WDR72: variants seen among roughly 807,000 people sequenced by gnomAD.
WDR72 encodes the protein WD repeat domain 72.
A neutral mutation model predicts 124.2 loss-of-function variants in WDR72; 120 were observed. That is an observed-to-expected ratio of 0.97 (90% CI 0.83 to 1.12). The LOEUF is 1.12. WDR72 is among the 50% of genes most tolerant of loss of function. The pLI is 0.00. For synonymous variants in WDR72, 452 were observed against 441.7 expected (o/e 1.02, Z -0.29); for missense variants, 1,387 against 1,278.8 (o/e 1.08, Z -1.29).
chr15:53,681,404 G>A (rs767904635), intron 13 of WDR72, among the ~76,000 whole-genome samples: 21 of 152,154 alleles, frequency 1.4e-4, no homozygotes, highest in Non-Finnish European at 2.6e-4. Context: ...AGGAGCCAAA[G>A]AGCAGCCATC....
At position 53,599,009 on chromosome 15, in the gene WDR72, G is replaced by A. The variant is rs186591792; in HGVS notation, c.2953-1735C>T. Among the ~76,000 whole-genome samples the A allele has an allele frequency of 7.2e-5, 11 of 151,896 alleles. No homozygotes were observed. In the East Asian group the frequency reaches 2.1e-3, roughly 30 times the overall value. On this transcript the variant is annotated intron_variant, in intron 17 of 19. Coordinates refer to ENST00000360509, the MANE Select transcript of WDR72 (RefSeq NM_182758.4). Reference sequence around the variant, plus strand: ...CTTGGTGGTGCGCACCTGTAGTCCTGGCTACTCAGGAGGCTGAGACAGGAT... The same window carrying A: ...CTTGGTGGTGCGCACCTGTAGTCCTAGCTACTCAGGAGGCTGAGACAGGAT...
At chr15:53,539,183 A>C (rs2140251314) in intron 18 of WDR72, among the ~76,000 whole-genome samples, 1 of 152,290 alleles carries the variant, frequency 6.6e-6, no homozygotes, top group East Asian at 1.9e-4. Flanking sequence ...AGTTAATATA[A>C]GCATGCAATA....
At chr15:53,633,416 C>T (rs1238030797) in intron 14 of WDR72, among the ~76,000 whole-genome samples, 1 of 152,124 alleles carries the variant, frequency 6.6e-6, no homozygotes, top group African/African-American at 2.4e-5. Context: ...GAACTGTGAG[C>T]CAATTAAATC....
chr15:53,684,884 C>T (rs1383145923), intron 13 of WDR72, among the ~76,000 whole-genome samples: 1 of 152,212 alleles, frequency 6.6e-6, no homozygotes, highest in Non-Finnish European at 1.5e-5. Context: ...AGACTGCCTC[C>T]TCAAGTGGGT....
intron 13 of WDR72, among the ~76,000 whole-genome samples, chr15:53,691,277 C>G (rs1203980635): frequency 1.3e-5 from 2 of 152,140 alleles, no homozygotes. Context: ...TCTCAAACTC[C>G]TGGACTCAAG....
At chr15:53,560,061 C>T (rs1424607667) in intron 18 of WDR72, among the ~76,000 whole-genome samples, 1 of 151,902 alleles carries the variant, frequency 6.6e-6, no homozygotes, top group Non-Finnish European at 1.5e-5. Context: ...ACTCCACAGA[C>T]AAGTTATTGA....
At chr15:53,699,412 A>G (rs928120176) in intron 13 of WDR72, among the ~76,000 whole-genome samples, 1 of 152,214 alleles carries the variant, frequency 6.6e-6, no homozygotes, top group African/African-American at 2.4e-5. Flanking sequence ...TGCTGAAGAA[A>G]GCAGAATTTA....
chr15:53,699,284 T>C lies in WDR72; in HGVS notation c.1765+466A>G, dbSNP rs2017095151. 2.0e-5 allele frequency among the ~76,000 whole-genome samples: 3 copies of C among 152,186 alleles called. No homozygotes were observed. In the South Asian group the frequency reaches 6.2e-4, roughly 32 times the overall value. On this transcript the variant is annotated intron_variant, in intron 13 of 19. Transcript: ENST00000360509. ...TTCTCTATGATATGATATCAAAAGT[T>C]CAATTGAGCCACTCAGTTTTCAGTT...
intron 18 of WDR72, among the ~76,000 whole-genome samples, chr15:53,541,577 G>A (rs1234363649): frequency 2.6e-5 from 4 of 151,626 alleles, no homozygotes; most frequent in Non-Finnish European, 4.4e-5. Flanking sequence ...ACTCTAAAAC[G>A]CAGAGCGCCT....
At chr15:53,680,068 A>T (rs2016325502) in intron 13 of WDR72, among the ~76,000 whole-genome samples, 1 of 152,128 alleles carries the variant, frequency 6.6e-6, no homozygotes, top group Non-Finnish European at 1.5e-5. Flanking sequence ...AGATTTTTAG[A>T]TTTATAAATT....
intron 13 of WDR72, among the ~76,000 whole-genome samples, chr15:53,679,089 A>G (rs2016286710): frequency 6.6e-6 from 1 of 152,252 alleles, no homozygotes; most frequent in South Asian, 2.1e-4. Context: ...CTTATATGAT[A>G]TACCCAACCC....
intron 13 of WDR72, among the ~76,000 whole-genome samples, chr15:53,681,398 G>A (rs1290763648): frequency 6.6e-6 from 1 of 152,158 alleles, no homozygotes; most frequent in Non-Finnish European, 1.5e-5. Flanking sequence ...TTAAGGAGGA[G>A]CCAAAGAGCA....
chr15:53,640,904 G>C (rs893692754), intron 14 of WDR72, among the ~76,000 whole-genome samples: 1 of 134,654 alleles, frequency 7.4e-6, no homozygotes, highest in African/African-American at 2.5e-5. Flanking sequence ...ATACTTTATT[G>C]AATATTACAA....
At chr15:53,712,682 A>G (rs1182671108) in intron 7 of WDR72, 90 bp downstream of exon 7, 2 of 1,246,168 alleles carry the variant, frequency 1.6e-6, no homozygotes, top group South Asian at 1.3e-5. Context: ...GAGAATTTGT[A>G]TCATATTTAA....
chr15:53,733,338 T>G (rs1239578661), intron 1 of WDR72, among the ~76,000 whole-genome samples, 177 bp from the exon 2 acceptor site: 2 of 152,184 alleles, frequency 1.3e-5, no homozygotes, highest in African/African-American at 2.4e-5. Context: ...AAACTGAAAT[T>G]ACCATGCACA....
intron 13 of WDR72, among the ~76,000 whole-genome samples, chr15:53,694,791 G>C (rs933872937): frequency 6.6e-6 from 1 of 152,072 alleles, no homozygotes; most frequent in African/African-American, 2.4e-5. Flanking sequence ...TTAACAGTGA[G>C]GCAAAATGGA....
intron 18 of WDR72, among the ~76,000 whole-genome samples, chr15:53,560,914 TC>T (rs1182069161): frequency 3.3e-5 from 5 of 151,742 alleles, no homozygotes; most frequent in Non-Finnish European, 7.4e-5. Context: ...AGAGACTTGC[TC>T]TAGAATCATT....
chr15:53,622,080 T>C (rs943233852), intron 14 of WDR72, among the ~76,000 whole-genome samples: 2 of 152,084 alleles, frequency 1.3e-5, no homozygotes, highest in African/African-American at 4.8e-5. Context: ...TGAGATACCA[T>C]CTCATGCCAT....
chr15:53,755,686 G>T (rs1453708414), intron 1 of WDR72, among the ~76,000 whole-genome samples: 1 of 152,200 alleles, frequency 6.6e-6, no homozygotes, highest in Non-Finnish European at 1.5e-5. Flanking sequence ...CCATGATGCT[G>T]ACAGATCATG....
Sources: gnomAD v4.1 joint callset for allele counts (sites outside exome capture counted in the v4.1 genomes callset) on GRCh38, gnomAD v4.1.1 for gene constraint, MANE v1.5 for transcripts, NCBI Gene and HGNC (gene_info 2026-07-23, HGNC 2026-07-21) for gene names.